ADAMTS17: variants seen among roughly 807,000 people sequenced by gnomAD.
The protein encoded by ADAMTS17 is ADAM metallopeptidase with thrombospondin type 1 motif 17.
Under a neutral mutation model 141.5 loss-of-function variants are expected in ADAMTS17, and 113 were observed. The ratio of observed to expected loss-of-function variants is 0.80; its 90% CI spans 0.69 to 0.93. The LOEUF is 0.93. Among genes scored for constraint, ADAMTS17 ranks in the 40% least tolerant of loss-of-function variants. The probability of loss-of-function intolerance (pLI) is 0.00; values close to 1 mark genes in which losing one functional copy is unlikely to be tolerated. For synonymous variants in ADAMTS17, 768 were observed against 630.6 expected (o/e 1.22, Z -3.27); for missense variants, 1,659 against 1,517.9 (o/e 1.09, Z -1.54).
intron 15 of ADAMTS17, among the ~76,000 whole-genome samples, chr15:100,072,389 A>G (rs2034040010): frequency 6.7e-6 from 1 of 149,628 alleles, no homozygotes; most frequent in African/African-American, 2.5e-5. Context: ...CTTTCTTCAC[A>G]GAATTGGAAA....
rs2043244897 is a variant in ADAMTS17 at position 100,254,063 on chromosome 15, T to C, written c.1075+73A>G. The C allele has an allele frequency of 2.1e-6, 3 of 1,462,140 alleles. No homozygotes were observed. In the Admixed American group the frequency reaches 5.0e-5, roughly 25 times the overall value. 90.6% of individuals were successfully genotyped at this position (1,462,140 alleles called of 1,614,324 possible). ...GCTTGTTTGAGGACAGCTCCTCCAC[T>C]GTGACCAGGAAGTCTCCAGATTCTC... On this transcript the variant is annotated intron_variant, in intron 7 of 21. Transcript: ENST00000268070.
At chr15:100,090,725 C>G (rs1266679143) in intron 15 of ADAMTS17, among the ~76,000 whole-genome samples, 1 of 152,032 alleles carries the variant, frequency 6.6e-6, no homozygotes, top group East Asian at 1.9e-4. Flanking sequence ...AAAAGGAAAC[C>G]AGCTGGGCGC....
intron 18 of ADAMTS17, among the ~76,000 whole-genome samples, chr15:100,017,064 G>T (rs1411580005): frequency 6.6e-6 from 1 of 152,190 alleles, no homozygotes; most frequent in Non-Finnish European, 1.5e-5. Flanking sequence ...GGATGGGGTT[G>T]AGGTTCCCAG....
At chr15:100,223,883 T>C (rs911536586) in intron 7 of ADAMTS17, among the ~76,000 whole-genome samples, 1 of 151,740 alleles carries the variant, frequency 6.6e-6, no homozygotes, top group African/African-American at 2.4e-5. Flanking sequence ...GGTCCCCCAA[T>C]AGGCTGTCTG....
At chr15:100,052,936 G>A (rs190955586) in intron 16 of ADAMTS17, among the ~76,000 whole-genome samples, 123 of 152,346 alleles carry the variant, frequency 8.1e-4, no homozygotes, top group African/African-American at 2.8e-3. Flanking sequence ...GGGGGCCAGC[G>A]CTCCCCGGCA....
intron 13 of ADAMTS17, among the ~76,000 whole-genome samples, chr15:100,111,900 T>G (rs1010075642): frequency 2.0e-5 from 3 of 152,238 alleles, no homozygotes; most frequent in Non-Finnish European, 4.4e-5. Flanking sequence ...GCCCCGCCTC[T>G]TGGCTCCAGC....
At position 100,004,412 on chromosome 15, in the gene ADAMTS17, G is replaced by A. The variant is rs1470113728; in HGVS notation, c.2592-6823C>T. 4.6e-5 allele frequency among the ~76,000 whole-genome samples: 7 copies of A among 152,222 alleles called. No homozygotes were observed. In the East Asian group the frequency reaches 1.4e-3, roughly 29 times the overall value. ...CCACCTACGACACTTGAACGACACT[G>A]TGCAACTCACCACCACAGTCAAATC... On this transcript the variant is annotated intron_variant, in intron 18 of 21. Transcript: ENST00000268070.
intron 3 of ADAMTS17, among the ~76,000 whole-genome samples, chr15:100,284,952 T>C (rs796721991): frequency 6.6e-6 from 1 of 152,334 alleles, no homozygotes; most frequent in East Asian, 1.9e-4. Flanking sequence ...CTCCAGCTGC[T>C]GTGGGAATGA....
At chr15:100,319,592 T>A (rs2045668532) in intron 3 of ADAMTS17, among the ~76,000 whole-genome samples, 1 of 152,130 alleles carries the variant, frequency 6.6e-6, no homozygotes. Context: ...GCACCTGTAG[T>A]CCCGGCTACT....
intron 4 of ADAMTS17, among the ~76,000 whole-genome samples, chr15:100,264,868 TA>T (rs767650012): frequency 6.6e-6 from 1 of 151,954 alleles, no homozygotes; most frequent in Admixed American, 6.6e-5. Context: ...TTTTGCAAGA[TA>T]AAAAAGCTGT....
chr15:100,049,015 C>A, intron 17 of ADAMTS17, 23 bp from the exon 18 acceptor site: 1 of 1,614,152 alleles, frequency 6.2e-7, no homozygotes, highest in Non-Finnish European at 8.5e-7. Flanking sequence ...CCACAGGGAG[C>A]TGAGAGACTG....
intron 7 of ADAMTS17, among the ~76,000 whole-genome samples, chr15:100,201,818 C>A (rs1254894535): frequency 6.6e-6 from 1 of 152,064 alleles, no homozygotes; most frequent in East Asian, 1.9e-4. Flanking sequence ...CCTTCAAGGT[C>A]ATTATTCTGG....
At chr15:100,250,355 C>A (rs181954536) in intron 7 of ADAMTS17, among the ~76,000 whole-genome samples, 1 of 152,186 alleles carries the variant, frequency 6.6e-6, no homozygotes, top group African/African-American at 2.4e-5. Context: ...CAGCATCTCA[C>A]GCTCGAGCTG....
intron 19 of ADAMTS17, among the ~76,000 whole-genome samples, chr15:99,996,134 A>G (rs1430563245): frequency 6.6e-6 from 1 of 150,938 alleles, no homozygotes. Flanking sequence ...GGCTCACTGC[A>G]ACCTCTACCT....
At chr15:100,191,362 C>A (rs1410660349) in intron 8 of ADAMTS17, among the ~76,000 whole-genome samples, 8 of 152,220 alleles carry the variant, frequency 5.3e-5, no homozygotes, top group African/African-American at 1.9e-4. Flanking sequence ...TTTGGACATG[C>A]TGCTCAGAAT....
At chr15:100,087,983 G>C (rs965783399) in intron 15 of ADAMTS17, among the ~76,000 whole-genome samples, 1 of 152,122 alleles carries the variant, frequency 6.6e-6, no homozygotes, top group African/African-American at 2.4e-5. Context: ...TTGAAGTTCT[G>C]GCCAGGGCAG....
intron 8 of ADAMTS17, among the ~76,000 whole-genome samples, chr15:100,167,841 T>G (rs968908411): frequency 2.0e-5 from 3 of 152,212 alleles, no homozygotes; most frequent in African/African-American, 7.2e-5. Flanking sequence ...TAATTTTTAC[T>G]TAGGAAGACA....
At chr15:100,056,394 G>A (rs966839311) in intron 15 of ADAMTS17, among the ~76,000 whole-genome samples, 1 of 152,038 alleles carries the variant, frequency 6.6e-6, no homozygotes, top group Non-Finnish European at 1.5e-5. Flanking sequence ...TTGGGACTAG[G>A]GACTGGTTTC....
At chr15:100,251,348 G>T (rs766890406) in intron 7 of ADAMTS17, among the ~76,000 whole-genome samples, 1 of 152,200 alleles carries the variant, frequency 6.6e-6, no homozygotes. Context: ...CGGTGCTATG[G>T]ATTGACTTGT....
Sources: gnomAD v4.1 joint callset for allele counts (sites outside exome capture counted in the v4.1 genomes callset) on GRCh38, gnomAD v4.1.1 for gene constraint, MANE v1.5 for transcripts, NCBI Gene and HGNC (gene_info 2026-07-23, HGNC 2026-07-21) for gene names.